The following LARGE1 variants were observed in gnomAD, a reference collection of about 807,000 sequenced individuals.
LARGE1 encodes the protein LARGE xylosyl- and glucuronyltransferase 1, also known as xylosyl- and glucuronyltransferase LARGE1.
A neutral mutation model predicts 87.6 loss-of-function variants in LARGE1; 43 were observed. The ratio of observed to expected loss-of-function variants is 0.49; its 90% confidence interval spans 0.38 to 0.63. LARGE1 has a LOEUF of 0.63. Ranked by LOEUF, LARGE1 falls within the 30% of genes least tolerant of loss-of-function variation. LARGE1 has a pLI of 0.00. For synonymous variants in LARGE1, 434 were observed against 394.6 expected, an observed-to-expected ratio of 1.10 and a Z score of -1.18; for missense variants, 802 against 1,000.2, an observed-to-expected ratio of 0.80 and a Z score of 2.67.
chr22:33,069,816 C>CTTTTT, the LARGE1 span, among the ~76,000 whole-genome samples: 4 of 126,756 alleles, frequency 3.2e-5, no homozygotes, highest in African/African-American at 5.8e-5. Flanking sequence ...TTATTACATT[C>CTTTTT]TTTTTTTTTT....
intron 3 of LARGE1, among the ~76,000 whole-genome samples, chr22:33,638,462 C>CATTA (rs10689394): frequency 0.097 from 14,794 of 152,138 alleles, 2,311 homozygotes; most frequent in African/African-American, 0.33. Context: ...GAAAGATGAT[C>CATTA]CCCATATAAT....
intron 11 of LARGE1, among the ~76,000 whole-genome samples, chr22:33,255,299 T>C (rs893615234): frequency 1.3e-5 from 2 of 152,196 alleles, no homozygotes; most frequent in Non-Finnish European, 1.5e-5. Flanking sequence ...TTCAGTAATA[T>C]AGAATCCTTT....
intron 6 of LARGE1, among the ~76,000 whole-genome samples, chr22:33,464,667 C>G (rs1440024463): frequency 6.6e-6 from 1 of 152,074 alleles, no homozygotes; most frequent in African/African-American, 2.4e-5. Context: ...TATCATTCTT[C>G]TAGATTGGAA....
intron 6 of LARGE1, among the ~76,000 whole-genome samples, chr22:33,446,061 G>T (rs1399225465): frequency 6.6e-6 from 1 of 152,214 alleles, no homozygotes; most frequent in African/African-American, 2.4e-5. Flanking sequence ...CCCTCAACCT[G>T]CAGGGAGGCG....
At chr22:33,745,898 G>C (rs901817668) in intron 2 of LARGE1, among the ~76,000 whole-genome samples, 1 of 152,130 alleles carries the variant, frequency 6.6e-6, no homozygotes, top group African/African-American at 2.4e-5. Context: ...GATCCCTGTG[G>C]AGAACTAACC....
chr22:33,699,085 T>C (rs781088290), intron 2 of LARGE1, among the ~76,000 whole-genome samples: 22 of 152,198 alleles, frequency 1.4e-4, no homozygotes, highest in Admixed American at 3.9e-4. Flanking sequence ...GAACAACCGA[T>C]GTAAATATGA....
rs577981679 is a variant in LARGE1 at position 33,447,418 on chromosome 22, G to A, written c.788-15153C>T. Among the ~76,000 whole-genome samples, 99 of 152,312 alleles carry A rather than the reference G, an allele frequency of 6.5e-4. 1 individual carries two copies. In the South Asian group the frequency reaches 0.019, roughly 30 times the overall value. ...TGTGTACAGGTGACATGCAGGGGCC[G>A]AGGGCCAAACCAGGAGCCGGGAGGT... On this transcript the variant is annotated intron_variant, in intron 6 of 14. Coordinates refer to ENST00000397394, the MANE Select transcript of LARGE1 (RefSeq NM_133642.5).
intron 1 of LARGE1, among the ~76,000 whole-genome samples, chr22:33,801,725 G>A (rs1413914793): frequency 6.6e-6 from 1 of 152,012 alleles, no homozygotes; most frequent in Non-Finnish European, 1.5e-5. Flanking sequence ...CATCCATTTT[G>A]TTTTACGAAT....
At chr22:33,807,667 T>C (rs182382780) in intron 1 of LARGE1, among the ~76,000 whole-genome samples, 1 of 152,372 alleles carries the variant, frequency 6.6e-6, no homozygotes, top group Non-Finnish European at 1.5e-5. Flanking sequence ...TGATTCATCC[T>C]TTCCTCTTCC....
intron 3 of LARGE1, among the ~76,000 whole-genome samples, chr22:33,649,558 A>G (rs1320956535): frequency 1.3e-5 from 2 of 152,214 alleles, no homozygotes; most frequent in Non-Finnish European, 2.9e-5. Context: ...ATTATTTCCT[A>G]AAGTTTACTG....
At chr22:33,371,796 A>G (rs1438789105) in intron 9 of LARGE1, among the ~76,000 whole-genome samples, 2 of 152,108 alleles carry the variant, frequency 1.3e-5, no homozygotes, top group Non-Finnish European at 2.9e-5. Context: ...CATCCTGGCT[A>G]ACACGGTGAA....
At chr22:33,150,561 A>G in the LARGE1 span, among the ~76,000 whole-genome samples, 1 of 152,314 alleles carries the variant, frequency 6.6e-6, no homozygotes, top group Middle Eastern at 3.4e-3. Flanking sequence ...AGATTAAGAC[A>G]TGGTCATCAT....
At chr22:33,432,113 C>T in intron 7 of LARGE1, 48 bp downstream of exon 7, 1 of 1,438,534 alleles carries the variant, frequency 7.0e-7, no homozygotes. Flanking sequence ...AGCACTGGGT[C>T]CTCATATCAC....
intron 1 of LARGE1, among the ~76,000 whole-genome samples, chr22:33,817,911 A>G (rs1343556325): frequency 7.7e-6 from 1 of 130,502 alleles, no homozygotes; most frequent in Non-Finnish European, 1.8e-5. Context: ...GGAGGGAGGA[A>G]AGGGGGAGGA....
At chr22:33,164,505 TTTTTTTA>T (rs1922160112) in exon 12 of LARGE1, 7 of 152,104 alleles carry the variant, frequency 4.6e-5, no homozygotes, top group Admixed American at 4.6e-4. Context: ...TTTTGTTTTT[TTTTTTTA>T]TTTTTATGTA....
intron 1 of LARGE1, among the ~76,000 whole-genome samples, chr22:33,766,962 ATATATAC>A: frequency 1.7e-5 from 1 of 57,212 alleles, no homozygotes; most frequent in Non-Finnish European, 3.5e-5. Flanking sequence ...ATATATATAT[ATATATAC>A]TTCCTGAAAT....
intron 1 of LARGE1, among the ~76,000 whole-genome samples, chr22:33,916,306 CAAACAAAT>C (rs1231989839): frequency 6.6e-6 from 1 of 151,730 alleles, no homozygotes; most frequent in African/African-American, 2.4e-5. Flanking sequence ...AACAAACAAA[CAAACAAAT>C]AGCTGAATGT....
chr22:33,737,281 A>G (rs2083688608), intron 2 of LARGE1, among the ~76,000 whole-genome samples: 1 of 151,892 alleles, frequency 6.6e-6, no homozygotes, highest in African/African-American at 2.4e-5. Context: ...TGTCTCATTC[A>G]CTCAGCTGAA....
At chr22:33,176,671 G>A (rs1922889861) in intron 11 of LARGE1, among the ~76,000 whole-genome samples, 1 of 152,192 alleles carries the variant, frequency 6.6e-6, no homozygotes, top group Non-Finnish European at 1.5e-5. Flanking sequence ...ATGCTGGAGA[G>A]GAAGTGGAGA....
Sources: allele counts gnomAD v4.1 joint callset (sites outside exome capture counted in the v4.1 genomes callset), GRCh38; gene constraint gnomAD v4.1.1; transcripts MANE v1.5; gene names NCBI Gene and HGNC (gene_info 2026-07-23, HGNC 2026-07-21).